The following GRID2 variants were observed in gnomAD, a reference collection of about 807,000 sequenced individuals.
GRID2 encodes glutamate ionotropic receptor delta type subunit 2.
A neutral mutation model predicts 114.8 loss-of-function variants in GRID2; 33 were observed. The ratio of observed to expected loss-of-function variants is 0.29; its 90% confidence interval spans 0.22 to 0.38. GRID2 has a LOEUF of 0.38. Ranked by LOEUF, GRID2 falls within the 10% of genes least tolerant of loss-of-function variation. The probability of loss-of-function intolerance (pLI) is 1.00; values close to 1 mark genes in which losing one functional copy is unlikely to be tolerated. For missense variants in GRID2, 1,184 were observed against 1,257.7 expected, an observed-to-expected ratio of 0.94 and a Z score of 0.89; for synonymous variants, 505 against 449.9, an observed-to-expected ratio of 1.12 and a Z score of -1.55.
intron 1 of GRID2, among the ~76,000 whole-genome samples, chr4:92,396,357 A>G (rs1222760276): frequency 6.6e-6 from 1 of 151,970 alleles, no homozygotes; most frequent in Non-Finnish European, 1.5e-5. Context: ...ATTTGCCAAA[A>G]TATTTGATAA....
chr4:93,388,441 G>A (rs1764537870), intron 8 of GRID2, among the ~76,000 whole-genome samples: 1 of 152,108 alleles, frequency 6.6e-6, no homozygotes, highest in South Asian at 2.1e-4. Context: ...TAGCGGTTCT[G>A]ATAAGCTTTA....
intron 2 of GRID2, among the ~76,000 whole-genome samples, chr4:92,713,140 TC>T (rs920249595): frequency 1.3e-5 from 2 of 150,342 alleles, no homozygotes; most frequent in Non-Finnish European, 3.0e-5. Context: ...ATGCTATCCC[TC>T]CCCGCTCCCC....
intron 2 of GRID2, among the ~76,000 whole-genome samples, chr4:92,836,231 G>T (rs2149404385): frequency 6.6e-6 from 1 of 152,174 alleles, no homozygotes; most frequent in African/African-American, 2.4e-5. Context: ...GAAAATGTTT[G>T]CTGGCTTCTG....
At chr4:93,117,381 T>C (rs1475515307) in intron 4 of GRID2, among the ~76,000 whole-genome samples, 1 of 152,148 alleles carries the variant, frequency 6.6e-6, no homozygotes, top group African/African-American at 2.4e-5. Context: ...ACATTTTGCA[T>C]GTGACAGCAT....
chr4:93,114,646 G>T lies in GRID2; in HGVS notation c.735+3693G>T, dbSNP rs58290219. Among the ~76,000 whole-genome samples the T allele has an allele frequency of 7.3e-3, 1,109 of 152,210 alleles. 21 individuals carry two copies. Among genetic ancestry groups the T allele is most frequent in the African/African-American group, 0.026 (1,060 of 41,516 alleles). ...GTACTGTTCTCTGACCTGCAAGATG[G>T]TTCCTGTTTCTCAATTAGTTGTTCT... On this transcript the variant is annotated intron_variant, in intron 4 of 15. Transcript: ENST00000282020.
chr4:93,536,176 G>T (rs2149520810), intron 13 of GRID2, among the ~76,000 whole-genome samples: 1 of 152,014 alleles, frequency 6.6e-6, no homozygotes, highest in South Asian at 2.1e-4. Context: ...TGATTCCAAT[G>T]ACTATTTTAC....
rs1745300931 is a variant in GRID2 at position 93,224,826 on chromosome 4, A to G, written c.1125+51A>G. On this transcript the variant is annotated intron_variant, in intron 7 of 15. Transcript: ENST00000282020. ...AGGATATGGTAAATAATTATTTGAC[A>G]TATTTTAGAAAAAGGGTTTCCTCTT... The G allele has an allele frequency of 3.0e-6, 4 of 1,314,320 alleles. No individual in the cohort carries two copies. The African/African-American group carries it at 4.5e-5, about 15-fold the overall frequency. The allele number at this position is 1,314,320 out of a possible 1,614,324, so 81.4% of individuals were successfully genotyped here.
At chr4:92,609,284 G>A (rs555091689) in intron 2 of GRID2, among the ~76,000 whole-genome samples, 42 of 151,696 alleles carry the variant, frequency 2.8e-4, no homozygotes, top group African/African-American at 9.7e-4. Context: ...TTTAATTAAT[G>A]TAACAAATAT....
intron 4 of GRID2, among the ~76,000 whole-genome samples, chr4:93,125,230 A>G (rs1384103318): frequency 6.6e-6 from 1 of 152,016 alleles, no homozygotes; most frequent in African/African-American, 2.4e-5. Context: ...GCTATCTGAG[A>G]TCCTCCTTAT....
intron 13 of GRID2, among the ~76,000 whole-genome samples, chr4:93,600,182 T>C (rs17277423): frequency 6.6e-6 from 1 of 152,066 alleles, no homozygotes; most frequent in Non-Finnish European, 1.5e-5. Context: ...TCAGTACAAA[T>C]ACAAGTTCCT....
At position 92,895,384 on chromosome 4, in the gene GRID2, C is replaced by CATATAT. The variant is rs10528035; in HGVS notation, c.245-189595_245-189590dup. Among the ~76,000 whole-genome samples, 375 of 108,150 alleles carry CATATAT rather than the reference C, an allele frequency of 3.5e-3. 14 individuals carry two copies. The highest frequency in any genetic ancestry group is 9.3e-3 in the African/African-American group (188 of 20,164). The allele number at this position is 108,150 out of a possible 152,430, so 71.0% of individuals were successfully genotyped here. A position where few individuals can be genotyped will look rare whatever the true frequency, so the allele number is the denominator to read the frequency against. ...TTGAATTGACACATCATGTAGAAAA[C>CATATAT]ATATATATATATATATATATAAACT... On this transcript the variant is annotated intron_variant, in intron 2 of 15. Coordinates refer to ENST00000282020, the MANE Select transcript of GRID2 (RefSeq NM_001510.4).
intron 2 of GRID2, among the ~76,000 whole-genome samples, chr4:92,777,813 A>G (rs2149356565): frequency 6.6e-6 from 1 of 152,040 alleles, no homozygotes; most frequent in South Asian, 2.1e-4. Flanking sequence ...CTTGGGAGAA[A>G]CCAACCCTGC....
At chr4:93,400,740 G>C (rs1462480860) in intron 9 of GRID2, among the ~76,000 whole-genome samples, 1 of 152,050 alleles carries the variant, frequency 6.6e-6, no homozygotes, top group Non-Finnish European at 1.5e-5. Context: ...TACCTACTTT[G>C]ATTGGCCTTA....
At chr4:92,986,543 A>G (rs1328816342) in intron 2 of GRID2, among the ~76,000 whole-genome samples, 2 of 152,226 alleles carry the variant, frequency 1.3e-5, no homozygotes, top group East Asian at 3.9e-4. Flanking sequence ...CTAGAAAACT[A>G]CTTTGGTAGC....
chr4:93,184,528 A>C (rs1365188325), intron 4 of GRID2, among the ~76,000 whole-genome samples: 1 of 150,246 alleles, frequency 6.7e-6, no homozygotes, highest in Non-Finnish European at 1.5e-5. Flanking sequence ...AAAAAAAAAA[A>C]AACTCACAGG....
At chr4:92,605,951 T>C (rs966657706) in intron 2 of GRID2, among the ~76,000 whole-genome samples, 3 of 152,258 alleles carry the variant, frequency 2.0e-5, no homozygotes, top group Admixed American at 6.6e-5. Flanking sequence ...CCTTTTTAGA[T>C]TTTAAATTCA....
intron 13 of GRID2, among the ~76,000 whole-genome samples, chr4:93,592,344 A>C (rs565811243): frequency 3.9e-5 from 6 of 152,090 alleles, no homozygotes; most frequent in Non-Finnish European, 7.4e-5. Context: ...GAGGTTGTTC[A>C]GTTTCCATGT....
chr4:92,791,228 T>C (rs1739575212), intron 2 of GRID2, among the ~76,000 whole-genome samples: 1 of 151,764 alleles, frequency 6.6e-6, no homozygotes, highest in Non-Finnish European at 1.5e-5. Context: ...GTTTATGGAC[T>C]GTGGAGTCTG....
chr4:92,639,151 CTTTA>C (rs1340875302), intron 2 of GRID2, among the ~76,000 whole-genome samples: 6 of 151,668 alleles, frequency 4.0e-5, no homozygotes, highest in South Asian at 2.1e-4. Context: ...TCTAGAAAGA[CTTTA>C]TTTGTTATAC....
Sources: gnomAD v4.1 joint callset for allele counts (sites outside exome capture counted in the v4.1 genomes callset) on GRCh38, gnomAD v4.1.1 for gene constraint, MANE v1.5 for transcripts, NCBI Gene and HGNC (gene_info 2026-07-23, HGNC 2026-07-21) for gene names.